The following EYA4 variants were observed in gnomAD, a reference collection of about 807,000 sequenced individuals.
The protein encoded by EYA4 is EYA transcriptional coactivator and phosphatase 4.
A neutral mutation model predicts 87.9 loss-of-function variants in EYA4; 31 were observed. That is an observed-to-expected ratio of 0.35 (90% CI 0.27 to 0.48). The LOEUF (loss-of-function observed/expected upper bound fraction) is 0.48, where lower values mean the gene tolerates loss of function less well. EYA4 is among the 20% of genes least tolerant of loss of function. EYA4 has a pLI of 0.99. For synonymous variants in EYA4, 263 were observed against 270.6 expected (o/e 0.97, Z 0.28); for missense variants, 678 against 761.4 (o/e 0.89, Z 1.29).
intron 2 of EYA4, among the ~76,000 whole-genome samples, chr6:133,296,045 A>G (rs1419823119): frequency 6.6e-6 from 1 of 152,148 alleles, no homozygotes; most frequent in East Asian, 1.9e-4. Context: ...GTGATCAGGG[A>G]AGGCTCCTTC....
intron 3 of EYA4, among the ~76,000 whole-genome samples, chr6:133,442,235 A>G (rs1186997457): frequency 6.6e-6 from 1 of 152,140 alleles, no homozygotes; most frequent in Non-Finnish European, 1.5e-5. Flanking sequence ...TCTGAACATT[A>G]TATACAATAA....
chr6:133,254,042 G>C (rs1232388226), intron 1 of EYA4, among the ~76,000 whole-genome samples: 1 of 152,116 alleles, frequency 6.6e-6, no homozygotes, highest in Non-Finnish European at 1.5e-5. Context: ...GGTCATGAAA[G>C]CTGGTTTATT....
intron 16 of EYA4, 55 bp from the exon 17 acceptor site, chr6:133,515,266 A>G: frequency 2.3e-6 from 2 of 855,246 alleles, no homozygotes; most frequent in Admixed American, 1.7e-5. Context: ...TCTAAACTAG[A>G]TATTCTGAGA....
At chr6:133,499,730 A>G (rs1433293979) in intron 13 of EYA4, among the ~76,000 whole-genome samples, 1 of 152,144 alleles carries the variant, frequency 6.6e-6, no homozygotes, top group Non-Finnish European at 1.5e-5. Context: ...CTTGAAGTTA[A>G]GTCCACAGAA....
chr6:133,466,905 A>T (rs1284896301), intron 10 of EYA4, among the ~76,000 whole-genome samples: 2 of 152,116 alleles, frequency 1.3e-5, no homozygotes, highest in South Asian at 4.1e-4. Context: ...TTCTATTCCA[A>T]GCCCAGTGGG....
intron 13 of EYA4, among the ~76,000 whole-genome samples, chr6:133,485,517 G>A (rs1040338333): frequency 6.6e-5 from 10 of 152,140 alleles, no homozygotes; most frequent in African/African-American, 9.7e-5. Context: ...GACGAGTCCT[G>A]GGGCCCCAGA....
intron 1 of EYA4, among the ~76,000 whole-genome samples, chr6:133,242,645 C>G (rs1242703271): frequency 6.6e-6 from 1 of 152,172 alleles, no homozygotes; most frequent in East Asian, 1.9e-4. Flanking sequence ...GCAACCCGAA[C>G]TTTCGTTTGG....
chr6:133,275,190 G>T (rs1166347276), intron 2 of EYA4, among the ~76,000 whole-genome samples: 23 of 152,160 alleles, frequency 1.5e-4, no homozygotes, highest in Admixed American at 1.5e-3. Flanking sequence ...TTATTAGCAT[G>T]CTTGTTAGTC....
intron 1 of EYA4, chr6:133,245,107 A>G (rs549149344): frequency 2.0e-5 from 3 of 152,302 alleles, no homozygotes; most frequent in East Asian, 3.9e-4. Flanking sequence ...GGTAAATGCA[A>G]GAACACTGGA....
intron 3 of EYA4, among the ~76,000 whole-genome samples, chr6:133,394,307 T>TTTG (rs1787599928): frequency 1.6e-5 from 2 of 121,316 alleles, no homozygotes; most frequent in African/African-American, 5.5e-5. Flanking sequence ...TTTTTTTTTT[T>TTTG]TTTTTTTTTT....
At chr6:133,464,198 C>G (rs1230558232) in intron 9 of EYA4, among the ~76,000 whole-genome samples, 1 of 152,082 alleles carries the variant, frequency 6.6e-6, no homozygotes, top group East Asian at 1.9e-4. Context: ...AAATTTCAGA[C>G]CTTGTAGTAA....
intron 16 of EYA4, 43 bp from the exon 17 acceptor site, chr6:133,515,278 A>G: frequency 2.2e-6 from 2 of 917,274 alleles, no homozygotes; most frequent in Non-Finnish European, 3.7e-6. Context: ...ATTCTGAGAC[A>G]ATATTCATCT....
intron 1 of EYA4, among the ~76,000 whole-genome samples, chr6:133,266,882 A>AGATACATTATGTATGATTT (rs1776266408): frequency 6.6e-6 from 1 of 152,214 alleles, no homozygotes; most frequent in Admixed American, 6.5e-5. Context: ...TTACATTATC[A>AGATACATTATGTATGATTT]GATACATTAT....
chr6:133,313,513 T>G (rs893000062), intron 2 of EYA4, among the ~76,000 whole-genome samples: 22 of 152,310 alleles, frequency 1.4e-4, no homozygotes, highest in African/African-American at 2.6e-4. Flanking sequence ...CAGTATATTT[T>G]CTAGGAGAAA....
At chr6:133,496,881 A>G (rs1308297116) in intron 13 of EYA4, among the ~76,000 whole-genome samples, 2 of 152,178 alleles carry the variant, frequency 1.3e-5, no homozygotes, top group Non-Finnish European at 2.9e-5. Flanking sequence ...CTCCTGCACC[A>G]TGTGAAGTGG....
chr6:133,430,644 A>AC (rs1393712772), intron 3 of EYA4, among the ~76,000 whole-genome samples: 4 of 152,344 alleles, frequency 2.6e-5, no homozygotes, highest in African/African-American at 9.6e-5. Context: ...AAACAATAAA[A>AC]CTATGCCACA....
chr6:133,357,762 A>T (rs1784178957), intron 2 of EYA4, among the ~76,000 whole-genome samples: 1 of 152,126 alleles, frequency 6.6e-6, no homozygotes, highest in African/African-American at 2.4e-5. Flanking sequence ...TTCTGTATTA[A>T]TGGTTAAGGG....
intron 4 of EYA4, 143 bp from the exon 5 acceptor site, chr6:133,447,968 C>G: frequency 2.9e-6 from 2 of 694,654 alleles, no homozygotes; most frequent in East Asian, 2.7e-5. Context: ...CTAAAACAGA[C>G]CTGATAAACT....
chr6:133,400,227 C>T (rs751869276), intron 3 of EYA4, among the ~76,000 whole-genome samples: 18 of 151,966 alleles, frequency 1.2e-4, no homozygotes, highest in Non-Finnish European at 2.5e-4. Flanking sequence ...AAATTATATG[C>T]GGTGGGGCGT....
Sources: gnomAD v4.1 joint callset for allele counts (sites outside exome capture counted in the v4.1 genomes callset) on GRCh38, gnomAD v4.1.1 for gene constraint, MANE v1.5 for transcripts, NCBI Gene and HGNC (gene_info 2026-07-23, HGNC 2026-07-21) for gene names.